SOBP: variants seen among roughly 807,000 people sequenced by gnomAD.
The protein encoded by SOBP is sine oculis binding protein homolog.
In SOBP, 4 loss-of-function variants were observed where a neutral mutation model predicts 53.6. The ratio of observed to expected loss-of-function variants is 0.07; its 90% CI spans 0.04 to 0.17. SOBP has a LOEUF of 0.17. Ranked by LOEUF, SOBP falls within the 10% of genes least tolerant of loss-of-function variation. SOBP has a pLI of 1.00. For missense variants in SOBP, 1,088 were observed against 1,204.7 expected (o/e 0.90, Z 1.43); for synonymous variants, 584 against 522.6 (o/e 1.12, Z -1.60).
At chr6:107,604,525 CT>C (rs1173040803) in intron 5 of SOBP, among the ~76,000 whole-genome samples, 1 of 151,700 alleles carries the variant, frequency 6.6e-6, no homozygotes, top group Non-Finnish European at 1.5e-5. Flanking sequence ...CCTAATCCCC[CT>C]ACACCCTCTA....
intron 4 of SOBP, among the ~76,000 whole-genome samples, chr6:107,573,786 A>G (rs1785145987): frequency 6.6e-6 from 1 of 152,352 alleles, no homozygotes; most frequent in African/African-American, 2.4e-5. Flanking sequence ...CCGCCATAAA[A>G]TTATAATTAT....
chr6:107,567,769 G>A (rs1449477906), intron 4 of SOBP, among the ~76,000 whole-genome samples: 2 of 152,178 alleles, frequency 1.3e-5, no homozygotes, highest in Non-Finnish European at 2.9e-5. Flanking sequence ...ATCCAATAAG[G>A]ACATGGTGTA....
intron 4 of SOBP, among the ~76,000 whole-genome samples, chr6:107,540,570 A>T (rs563933828): frequency 6.6e-6 from 1 of 152,348 alleles, no homozygotes; most frequent in South Asian, 2.1e-4. Flanking sequence ...TTCTCTGTAA[A>T]CACAGGCTGT....
chr6:107,632,866 A>G (rs947923076), intron 5 of SOBP, among the ~76,000 whole-genome samples: 1 of 152,238 alleles, frequency 6.6e-6, no homozygotes, highest in African/African-American at 2.4e-5. Flanking sequence ...CTGACTACTG[A>G]GAGAGAGTGG....
chr6:107,538,187 G>A (rs1784057777), intron 4 of SOBP, among the ~76,000 whole-genome samples: 1 of 152,104 alleles, frequency 6.6e-6, no homozygotes, highest in Non-Finnish European at 1.5e-5. Flanking sequence ...TTTAGACATA[G>A]TCTATTTGTC....
chr6:107,540,828 A>T (rs1359211391), intron 4 of SOBP, among the ~76,000 whole-genome samples: 1 of 152,206 alleles, frequency 6.6e-6, no homozygotes, highest in Admixed American at 6.5e-5. Flanking sequence ...TCTGAGGCTC[A>T]CTGTGTCTAT....
In SOBP at chr6:107,518,611, T is replaced by C. The variant is rs1055704425; in HGVS notation, c.421+12184T>C. Among the ~76,000 whole-genome samples, 10 of 152,260 alleles carry C rather than the reference T, an allele frequency of 6.6e-5. No homozygotes were observed. The Middle Eastern group carries it at 0.014, about 207-fold the overall frequency. On this transcript the variant is annotated intron_variant, in intron 3 of 6. Coordinates refer to ENST00000317357, the MANE Select transcript of SOBP (RefSeq NM_018013.4). ...GCATTTATTCATAATAGCTAAAAAC[T>C]GGGAACAACCCAAATGTTCACCAGC...
chr6:107,585,213 A>G (rs959312827), intron 4 of SOBP, among the ~76,000 whole-genome samples: 7 of 152,196 alleles, frequency 4.6e-5, no homozygotes, highest in African/African-American at 1.7e-4. Flanking sequence ...ACTAAAAGTA[A>G]GGCACTGGGC....
At chr6:107,576,018 G>A (rs1008022475) in intron 4 of SOBP, among the ~76,000 whole-genome samples, 4 of 152,124 alleles carry the variant, frequency 2.6e-5, no homozygotes, top group African/African-American at 4.8e-5. Flanking sequence ...CTCCATCTTC[G>A]CATTTGGCTC....
At position 107,634,222 on chromosome 6, in the gene SOBP, A is replaced by G; in HGVS notation, c.1378A>G (p.Ile460Val). ...GCACCGGCCCATGCTATCGCCCCAC[A>G]TCCACCCCCCGAGCACCCCCACCAT... ...PMHRPMLSPH[I>V]HPPSTPTMPG... Residue 460 changes from isoleucine (I) to valine (V), a missense_variant, in exon 6 of 7, where the codon ATC (isoleucine) becomes GTC (valine). Ile to Val is a conservative substitution (Grantham distance 29). Transcript: ENST00000317357. This position sits in a 1 kb window ranked among gnomAD's most constrained non-coding sequence, Gnocchi z 4.5. 1 of 1,584,368 alleles carries G rather than the reference A, an allele frequency of 6.3e-7. No homozygotes were observed. Among genetic ancestry groups the G allele is most frequent in the Non-Finnish European group, 8.6e-7 (1 of 1,168,486 alleles).
chr6:107,498,455 C>G (rs1458551919), intron 1 of SOBP, among the ~76,000 whole-genome samples: 1 of 152,102 alleles, frequency 6.6e-6, no homozygotes, highest in Admixed American at 6.6e-5. Flanking sequence ...TTTTGAAGTA[C>G]TTGTGTTTCA....
intron 5 of SOBP, among the ~76,000 whole-genome samples, chr6:107,605,700 C>T (rs1186203233): frequency 6.6e-6 from 1 of 152,222 alleles, no homozygotes; most frequent in Non-Finnish European, 1.5e-5. Flanking sequence ...TCAAAATTCA[C>T]GAAATACAGC....
chr6:107,590,002 C>G (rs1019607371), intron 5 of SOBP, among the ~76,000 whole-genome samples: 2 of 152,214 alleles, frequency 1.3e-5, no homozygotes, highest in Non-Finnish European at 2.9e-5. Context: ...ACATTTAGAG[C>G]CAGCCATGGG....
intron 6 of SOBP, among the ~76,000 whole-genome samples, chr6:107,641,557 G>A (rs1450776568): frequency 6.6e-6 from 1 of 152,094 alleles, no homozygotes; most frequent in Admixed American, 6.6e-5. Context: ...GTCTGGGAGC[G>A]CTGCCAATGC....
At chr6:107,537,841 C>T (rs898814348) in intron 4 of SOBP, among the ~76,000 whole-genome samples, 4 of 148,024 alleles carry the variant, frequency 2.7e-5, no homozygotes, top group Admixed American at 1.3e-4. Flanking sequence ...AAAAAAAGAT[C>T]GAAATACTTC....
intron 3 of SOBP, among the ~76,000 whole-genome samples, chr6:107,521,645 A>C (rs921670918): frequency 6.6e-6 from 1 of 152,186 alleles, no homozygotes; most frequent in South Asian, 2.1e-4. Flanking sequence ...AGCTATTATG[A>C]ATAAATGCTG....
chr6:107,503,558 G>A, intron 1 of SOBP, 99 bp from the exon 2 acceptor site: 2 of 1,328,078 alleles, frequency 1.5e-6, no homozygotes, highest in Non-Finnish European at 2.2e-6. Flanking sequence ...AGGCAGGGCT[G>A]CAAATAAATG....
At chr6:107,597,393 TAGTA>T (rs1195914109) in intron 5 of SOBP, among the ~76,000 whole-genome samples, 3 of 152,162 alleles carry the variant, frequency 2.0e-5, no homozygotes, top group Admixed American at 6.5e-5. Flanking sequence ...ATGAATATGA[TAGTA>T]AGTATATGAA....
chr6:107,527,374 A>T (rs565606203), intron 3 of SOBP, among the ~76,000 whole-genome samples: 1 of 152,306 alleles, frequency 6.6e-6, no homozygotes, highest in South Asian at 2.1e-4. Context: ...TAAATAATCT[A>T]AGTTAGTGAA....
Sources: gnomAD v4.1 joint callset for allele counts (sites outside exome capture counted in the v4.1 genomes callset) on GRCh38, gnomAD v4.1.1 for gene constraint, Gnocchi (gnomAD v3.1) non-coding constraint, MANE v1.5 for transcripts, NCBI Gene and HGNC (gene_info 2026-07-23, HGNC 2026-07-21) for gene names.